Variants in ATP1A2 observed in about 807,000 individuals in gnomAD.
The protein encoded by ATP1A2 is ATPase Na+/K+ transporting subunit alpha 2.
A neutral mutation model predicts 113.1 loss-of-function variants in ATP1A2; 56 were observed. That is an observed-to-expected ratio of 0.49 (90% CI 0.40 to 0.62). ATP1A2 has a LOEUF of 0.62. Ranked by LOEUF, ATP1A2 falls within the 20% of genes least tolerant of loss-of-function variation. The probability of loss-of-function intolerance (pLI) is 0.00; values close to 1 mark genes in which losing one functional copy is unlikely to be tolerated. For synonymous variants in ATP1A2, 490 were observed against 526.8 expected, an observed-to-expected ratio of 0.93 and a Z score of 0.96; for missense variants, 712 against 1,357.8, an observed-to-expected ratio of 0.52 and a Z score of 7.47.
chr1:160,124,717 G>A (rs1651529335), intron 6 of ATP1A2, among the ~76,000 whole-genome samples: 1 of 152,202 alleles, frequency 6.6e-6, no homozygotes, highest in African/African-American at 2.4e-5. Context: ...TGTTCGATGT[G>A]CTATCTGATG....
At chr1:160,123,884 A>T in intron 4 of ATP1A2, 59 bp from the exon 5 acceptor site, 2 of 1,501,378 alleles carry the variant, frequency 1.3e-6, no homozygotes, top group Non-Finnish European at 1.8e-6. Flanking sequence ...CCCAAGTGGC[A>T]GCTGCCCCTT....
At chr1:160,127,424 A>G in intron 7 of ATP1A2, 128 bp from the exon 8 acceptor site, 1 of 1,325,418 alleles carries the variant, frequency 7.5e-7, no homozygotes, top group Non-Finnish European at 1.1e-6. Context: ...AACCTACTGA[A>G]TGTGGCCTCC....
chr1:160,118,219 T>C (rs1651251471), intron 1 of ATP1A2, among the ~76,000 whole-genome samples: 1 of 152,216 alleles, frequency 6.6e-6, no homozygotes, highest in African/African-American at 2.4e-5. Context: ...TTAAAAAGCA[T>C]GCATTTTATT....
chr1:160,127,372 G>A (rs1651617586), intron 7 of ATP1A2, among the ~76,000 whole-genome samples, 180 bp from the exon 8 acceptor site: 1 of 152,232 alleles, frequency 6.6e-6, no homozygotes, highest in South Asian at 2.1e-4. Context: ...ATTGATTCAA[G>A]GATTGGCGAT....
intron 11 of ATP1A2, 145 bp downstream of exon 11, chr1:160,129,545 A>C: frequency 1.1e-4 from 138 of 1,234,530 alleles, no homozygotes; most frequent in Middle Eastern, 2.1e-4. Context: ...AGGACAGCTC[A>C]TATGACTGCA....
chr1:160,123,482 G>A (rs1043299985), intron 4 of ATP1A2, 66 bp downstream of exon 4: 6 of 1,597,222 alleles, frequency 3.8e-6, no homozygotes, highest in East Asian at 2.2e-5. Flanking sequence ...CCCCAACACA[G>A]TGGGGGGTGG....
chr1:160,141,589 T>C lies in ATP1A2; in HGVS notation c.*267T>C. 1.9e-6 allele frequency: 1 copy of C among 530,754 alleles called. No individual in the cohort carries two copies. 32.9% of individuals were successfully genotyped at this position (530,754 alleles called of 1,614,324 possible). ...CCATCCCACTCCACTATGTTGTCTA[T>C]TTTTTCTGAGGAATTAAGGGTTACC... On this transcript the variant is annotated 3_prime_UTR_variant, in exon 23 of 23. Coordinates refer to ENST00000361216, the MANE Select transcript of ATP1A2 (RefSeq NM_000702.4).
At chr1:160,133,970 C>G (rs949704399) in intron 13 of ATP1A2, among the ~76,000 whole-genome samples, 2 of 151,972 alleles carry the variant, frequency 1.3e-5, no homozygotes, top group Non-Finnish European at 2.9e-5. Context: ...TTGCCATTAT[C>G]TTTCCTCCTC....
At position 160,129,389 on chromosome 1, in the gene ATP1A2, A is replaced by G; in HGVS notation, c.1450A>G (p.Asn484Asp). The G allele has an allele frequency of 6.2e-7, 1 of 1,613,584 alleles. No individual in the cohort carries two copies. Among genetic ancestry groups the G allele is most frequent in the Non-Finnish European group, 8.5e-7 (1 of 1,180,002 alleles). The change falls in exon 11 of 23, where the codon AAC becomes GAC. Residue 484 changes from asparagine to aspartate, a missense_variant. Physicochemically the swap from Asn to Asp is conservative, Grantham distance 23. Transcript: ENST00000361216. ...KVAEIPFNST[N>D]KYQLSIHERE... ...GGCAGAGATTCCTTTCAACTCTACC[A>G]ACAAGTACCAGGTCTGCTTGGGTTG...
intron 7 of ATP1A2, 78 bp downstream of exon 7, chr1:160,125,331 C>T (rs1287215886): frequency 7.3e-7 from 1 of 1,372,042 alleles, no homozygotes; most frequent in East Asian, 2.3e-5. Flanking sequence ...TCTGGTAGTA[C>T]TTACCTGGCA....
intron 20 of ATP1A2, among the ~76,000 whole-genome samples, chr1:160,138,633 A>G (rs536275371): frequency 1.3e-5 from 2 of 152,268 alleles, no homozygotes; most frequent in African/African-American, 4.8e-5. Flanking sequence ...ATTGAGCCCA[A>G]GAGTTTGGTA....
chr1:160,130,284 T>C lies in ATP1A2; in HGVS notation c.1644T>C (p.Arg548=), dbSNP rs1448554496. Reference sequence around the variant, plus strand: ...TGGAGCTGGGGGGACTTGGGGAGCGTGTGCTGGGTGAGAGGCCAGAAACAG... The same window carrying C: ...TGGAGCTGGGGGGACTTGGGGAGCGCGTGCTGGGTGAGAGGCCAGAAACAG... The part of the protein sequence containing the change: ...AYMELGGLGE[R]VLGFCQLNLP... The change falls in exon 12 of 23, where the codon CGT becomes CGC. Residue 548 remains arginine (R), a synonymous_variant. Transcript: ENST00000361216. The C allele has an allele frequency of 1.2e-6, 2 of 1,613,920 alleles. No individual in the cohort carries two copies. The highest frequency in any genetic ancestry group is 1.7e-6 in the Non-Finnish European group (2 of 1,180,004).
intron 1 of ATP1A2, among the ~76,000 whole-genome samples, chr1:160,116,853 A>G (rs1461745693): frequency 1.3e-5 from 2 of 152,110 alleles, no homozygotes; most frequent in Non-Finnish European, 2.9e-5. Context: ...TATTGCACCT[A>G]GTTGAGCAGC....
Position 160,128,821 on chromosome 1 carries a change from A to T in ATP1A2, c.1187A>T (p.His396Leu), listed in dbSNP as rs1651668273. Residue 396 changes from histidine (H) to leucine (L), a missense_variant, in exon 9 of 23, where the codon CAT becomes CTT. This residue lies in a region of ATP1A2 where 44 missense variants were observed against 153.1 expected (regional missense o/e 0.29). Transcript: ENST00000361216. Reference sequence around the variant, plus strand: ...CACATGTGGTTCGACAACCAAATCCATGAGGCTGACACCACCGAAGATCAG... The same window carrying T: ...CACATGTGGTTCGACAACCAAATCCTTGAGGCTGACACCACCGAAGATCAG... ...VAHMWFDNQIHEADTTEDQSG... is the reference protein window; with the variant it reads ...VAHMWFDNQILEADTTEDQSG... 6.2e-7 allele frequency: 1 copy of T among 1,613,972 alleles called. No individual in the cohort carries two copies. The highest frequency in any genetic ancestry group is 8.5e-7 in the Non-Finnish European group (1 of 1,180,000).
rs886045420 is a variant in ATP1A2 at position 160,141,465 on chromosome 1, G to A, written c.*143G>A. 3.8e-6 allele frequency: 4 copies of A among 1,046,826 alleles called. No individual in the cohort carries two copies. The highest frequency in any genetic ancestry group is 2.4e-4 in the Middle Eastern group (1 of 4,164). The allele number at this position is 1,046,826 out of a possible 1,614,324, so 64.8% of individuals were successfully genotyped here. A position where few individuals can be genotyped will look rare whatever the true frequency, so the allele number is the denominator to read the frequency against. Reference sequence around the variant, plus strand: ...ATAATGAGGCAACTCAGCAGGCTAAGTTGCGGGGTATATAAATTGGGGTGA... The same window carrying A: ...ATAATGAGGCAACTCAGCAGGCTAAATTGCGGGGTATATAAATTGGGGTGA... On this transcript the variant is annotated 3_prime_UTR_variant, in exon 23 of 23. Transcript: ENST00000361216.
chr1:160,136,016 G>T (rs567277510), intron 17 of ATP1A2, 23 bp downstream of exon 17: 1 of 1,614,128 alleles, frequency 6.2e-7, no homozygotes, highest in Admixed American at 1.7e-5. Flanking sequence ...GGTGGAGGAG[G>T]GGACAGGCAA....
rs57074721 is a variant in ATP1A2 at position 160,130,340 on chromosome 1, C to T, written c.1651+49C>T. 8,117 of 1,613,906 alleles carry T rather than the reference C, an allele frequency of 5.0e-3. 383 individuals are homozygous for T. In the African/African-American group the frequency reaches 0.092, roughly 18 times the overall value. On this transcript the variant is annotated intron_variant, in intron 12 of 22. Coordinates refer to ENST00000361216, the MANE Select transcript of ATP1A2 (RefSeq NM_000702.4). The stretch of plus-strand genomic sequence containing the variant: ...TCAGAAGGGGATTCCCAAGCCTCTG[C>T]GGCATCCCTGGGGTGGGGGACTGTG...
intron 1 of ATP1A2, among the ~76,000 whole-genome samples, chr1:160,120,421 A>G (rs1651356226): frequency 6.6e-6 from 1 of 151,968 alleles, no homozygotes; most frequent in Non-Finnish European, 1.5e-5. Context: ...TGCTCCCCCA[A>G]GTTCCTGAGT....
chr1:160,116,744 G>T (rs1456737654), intron 1 of ATP1A2, among the ~76,000 whole-genome samples: 1 of 152,164 alleles, frequency 6.6e-6, no homozygotes, highest in South Asian at 2.1e-4. Flanking sequence ...GGACACAGAG[G>T]GAAAGGGCAT....
Sources: allele counts gnomAD v4.1 joint callset (sites outside exome capture counted in the v4.1 genomes callset), GRCh38; gene constraint gnomAD v4.1.1; regional missense constraint gnomAD v4.1.1; transcripts MANE v1.5; gene names NCBI Gene and HGNC (gene_info 2026-07-23, HGNC 2026-07-21).